The following TRAM1 variants were observed in gnomAD, a reference collection of about 807,000 sequenced individuals.
The protein encoded by TRAM1 is translocation associated membrane protein 1, also known as translocating chain-associated membrane protein 1.
TRAM1 carries 17 observed loss-of-function variants against 48.7 expected under a neutral mutation model. The observed-to-expected ratio is 0.35, with a 90% confidence interval of 0.24 to 0.52. TRAM1 has a LOEUF of 0.52. Ranked by LOEUF, TRAM1 falls within the 20% of genes least tolerant of loss-of-function variation. The pLI is 0.94. For missense variants in TRAM1, 351 were observed against 441.5 expected, an observed-to-expected ratio of 0.79 and a Z score of 1.84; for synonymous variants, 182 against 154.0, an observed-to-expected ratio of 1.18 and a Z score of -1.34.
In TRAM1 at chr8:70,607,320, T is replaced by C. The variant is rs1181422966; in HGVS notation, c.123+757A>G. ...TACTTCAAGAAACAAAATTACTCGA[T>C]TCCTTGGCACCGCTGTTCAGAACCT... On this transcript the variant is annotated intron_variant, in intron 1 of 10. Coordinates refer to ENST00000262213, the MANE Select transcript of TRAM1 (RefSeq NM_014294.6). The C allele has an allele frequency of 3.0e-6, 3 of 985,268 alleles. No homozygotes were observed. The African/African-American group carries it at 5.2e-5, about 17-fold the overall frequency. 61.0% of individuals were successfully genotyped at this position (985,268 alleles called of 1,614,324 possible).
intron 10 of TRAM1, among the ~76,000 whole-genome samples, chr8:70,575,642 T>A (rs1339839442): frequency 6.6e-6 from 1 of 151,988 alleles, no homozygotes; most frequent in Non-Finnish European, 1.5e-5. Flanking sequence ...TGACTGACTC[T>A]CTCTCCAAAA....
intron 1 of TRAM1, 124 bp downstream of exon 1, chr8:70,607,953 G>A: frequency 7.9e-7 from 1 of 1,272,274 alleles, no homozygotes; most frequent in Non-Finnish European, 1.0e-6. Flanking sequence ...AGGGACTGGG[G>A]GTCTGCACCC....
At chr8:70,580,868 TAAG>T (rs1285899881) in intron 10 of TRAM1, among the ~76,000 whole-genome samples, 8 of 152,132 alleles carry the variant, frequency 5.3e-5, no homozygotes, top group Non-Finnish European at 7.4e-5. Flanking sequence ...AAAATGGAAT[TAAG>T]AAGATGGTTC....
chr8:70,577,447 C>A (rs368854), intron 10 of TRAM1, among the ~76,000 whole-genome samples: 110,655 of 152,064 alleles, frequency 0.73, 41,941 homozygotes, highest in Non-Finnish European at 0.84. Flanking sequence ...TTCCTCCCCC[C>A]TGAAGCTCAT....
In TRAM1 at chr8:70,600,848, T is replaced by A. The variant is rs576512790; in HGVS notation, c.124-766A>T. On this transcript the variant is annotated intron_variant, in intron 1 of 10. Coordinates refer to ENST00000262213, the MANE Select transcript of TRAM1 (RefSeq NM_014294.6). ...GAAGGAGCTGTGTTTTGCTGGAAAA[T>A]AGGTGTTCCCTAGGTTCACAAAGGG... 7.9e-5 allele frequency among the ~76,000 whole-genome samples: 12 copies of A among 152,072 alleles called. No individual in the cohort carries two copies. The East Asian group carries it at 2.3e-3, about 29-fold the overall frequency.
chr8:70,587,055 G>A, intron 7 of TRAM1, 51 bp downstream of exon 7: 1 of 1,610,888 alleles, frequency 6.2e-7, no homozygotes, highest in East Asian at 2.2e-5. Context: ...AGACAGGTCA[G>A]CATACTATCT....
At chr8:70,598,324 C>G in intron 2 of TRAM1, 69 bp from the exon 3 acceptor site, 1 of 1,430,322 alleles carries the variant, frequency 7.0e-7, no homozygotes, top group Non-Finnish European at 9.3e-7. Flanking sequence ...TTAAGTACAA[C>G]ATAGTTATGG....
At chr8:70,595,378 T>A (rs1260577971) in intron 5 of TRAM1, among the ~76,000 whole-genome samples, 1 of 152,038 alleles carries the variant, frequency 6.6e-6, no homozygotes, top group African/African-American at 2.4e-5. Flanking sequence ...TAATAAAACT[T>A]TAGAAATCAG....
At chr8:70,597,539 G>A (rs750194856) in intron 4 of TRAM1, among the ~76,000 whole-genome samples, 20 of 151,656 alleles carry the variant, frequency 1.3e-4, no homozygotes, top group Non-Finnish European at 2.4e-4. Flanking sequence ...GCGTGGTGGC[G>A]TGCGTCTGTA....
intron 1 of TRAM1, chr8:70,607,723 G>A (rs971766055): frequency 4.4e-4 from 72 of 162,506 alleles, no homozygotes; most frequent in Non-Finnish European, 7.6e-4. Context: ...GGCCGCCCCC[G>A]CCCGCAGGCC....
chr8:70,607,146 T>A (rs1343979137), intron 1 of TRAM1: 1 of 984,948 alleles, frequency 1.0e-6, no homozygotes, highest in Non-Finnish European at 1.2e-6. Flanking sequence ...AATGAGCGTG[T>A]GTATTGGGGA....
chr8:70,575,280 G>C (rs897284183), intron 10 of TRAM1, among the ~76,000 whole-genome samples: 4 of 152,202 alleles, frequency 2.6e-5, no homozygotes, highest in African/African-American at 9.6e-5. Context: ...GTATTCAAGA[G>C]AAATACCTTC....
At chr8:70,585,085 T>C (rs959606307) in intron 8 of TRAM1, among the ~76,000 whole-genome samples, 18 of 152,252 alleles carry the variant, frequency 1.2e-4, no homozygotes, top group African/African-American at 4.3e-4. Context: ...AACAGAGATA[T>C]AGATCAATGG....
At chr8:70,577,018 C>T (rs1260828856) in intron 10 of TRAM1, among the ~76,000 whole-genome samples, 1 of 152,206 alleles carries the variant, frequency 6.6e-6, no homozygotes, top group Non-Finnish European at 1.5e-5. Flanking sequence ...GCTTTTCTCT[C>T]TTTCTTGTCA....
intron 9 of TRAM1, 127 bp from the exon 10 acceptor site, chr8:70,583,451 C>A (rs1817128243): frequency 7.8e-7 from 1 of 1,282,738 alleles, no homozygotes; most frequent in Non-Finnish European, 1.1e-6. Context: ...ATAATCATTG[C>A]ATTAATAATT....
Position 70,574,215 on chromosome 8 carries a change from T to C in TRAM1, c.*717A>G, listed in dbSNP as rs1816891120. The C allele has an allele frequency of 2.4e-6, 1 of 408,710 alleles. No homozygotes were observed. The highest frequency in any genetic ancestry group is 4.7e-6 in the Non-Finnish European group (1 of 212,468). The allele number at this position is 408,710 out of a possible 1,614,324, so 25.3% of individuals were successfully genotyped here. A position where few individuals can be genotyped will look rare whatever the true frequency, so the allele number is the denominator to read the frequency against. ...AGATTTTCCTGTTCATAGTAAATAT[T>C]TTCTGATTTCCAGTTTACAAGTATT... On this transcript the variant is annotated 3_prime_UTR_variant, in exon 11 of 11. Transcript: ENST00000262213.
chr8:70,583,936 C>G, intron 8 of TRAM1, 143 bp from the exon 9 acceptor site: 6 of 928,160 alleles, frequency 6.5e-6, no homozygotes, highest in Non-Finnish European at 9.0e-6. Context: ...TTGCTTGAAA[C>G]CAGAAGGTGG....
intron 6 of TRAM1, chr8:70,587,479 T>C: frequency 4.1e-6 from 1 of 244,178 alleles, no homozygotes; most frequent in Admixed American, 5.1e-5. Context: ...ACTTAACCTC[T>C]GCTGGCTTCA....
intron 5 of TRAM1, among the ~76,000 whole-genome samples, chr8:70,595,701 T>A (rs376617986): frequency 2.6e-5 from 4 of 152,126 alleles, no homozygotes; most frequent in South Asian, 2.1e-4. Flanking sequence ...AATGACAAAT[T>A]TGGGGATACA....
Sources: allele counts gnomAD v4.1 joint callset (sites outside exome capture counted in the v4.1 genomes callset), GRCh38; gene constraint gnomAD v4.1.1; transcripts MANE v1.5; gene names NCBI Gene and HGNC (gene_info 2026-07-23, HGNC 2026-07-21).